Variants in MAK observed in about 807,000 individuals in gnomAD.
MAK encodes the protein male germ cell associated kinase.
Under a neutral mutation model 82.6 loss-of-function variants are expected in MAK, and 65 were observed. The ratio of observed to expected loss-of-function variants is 0.79; its 90% CI spans 0.64 to 0.97. The LOEUF (loss-of-function observed/expected upper bound fraction) is 0.97, where lower values mean the gene tolerates loss of function less well. Among genes scored for constraint, MAK ranks in the 50% least tolerant of loss-of-function variants. The pLI is 0.00. For missense variants in MAK, 703 were observed against 780.2 expected, an observed-to-expected ratio of 0.90 and a Z score of 1.18; for synonymous variants, 250 against 274.2, an observed-to-expected ratio of 0.91 and a Z score of 0.87.
At chr6:10,819,504 C>T (rs748202624) in intron 2 of MAK, among the ~76,000 whole-genome samples, 2 of 152,044 alleles carry the variant, frequency 1.3e-5, no homozygotes, top group East Asian at 1.9e-4. Flanking sequence ...TGGTGGCAGG[C>T]GCCTGTAGTC....
chr6:10,806,995 ATC>A (rs1423035878), intron 6 of MAK, among the ~76,000 whole-genome samples: 1 of 152,044 alleles, frequency 6.6e-6, no homozygotes, highest in East Asian at 1.9e-4. Context: ...CAGCCCCCAC[ATC>A]TGATTCATTA....
intron 14 of MAK, among the ~76,000 whole-genome samples, chr6:10,767,287 A>G (rs1772538278): frequency 6.6e-6 from 1 of 152,206 alleles, no homozygotes; most frequent in South Asian, 2.1e-4. Context: ...TGAGATGCGG[A>G]TCATAATAGT....
chr6:10,831,713 TCCATC>T (rs1778820621), intron 1 of MAK, among the ~76,000 whole-genome samples: 1 of 151,690 alleles, frequency 6.6e-6, no homozygotes, highest in Non-Finnish European at 1.5e-5. Flanking sequence ...ACCACTAAAC[TCCATC>T]CTGGGTGACA....
chr6:10,796,376 T>C (rs1775564439), intron 8 of MAK, 67 bp from the exon 9 acceptor site: 1 of 1,335,354 alleles, frequency 7.5e-7, no homozygotes, highest in Non-Finnish European at 1.1e-6. Context: ...ACATAAACTA[T>C]GGTTGGCCCT....
At chr6:10,813,108 A>T (rs1561986984) in intron 5 of MAK, among the ~76,000 whole-genome samples, 30 of 598 alleles carry the variant, frequency 0.05, 3 homozygotes, top group East Asian at 0.14. Context: ...ATATATATAT[A>T]TATATATATA....
Position 10,773,121 on chromosome 6 carries a change from C to A in MAK, c.1598-13G>T, listed in dbSNP as rs769678501. The stretch of plus-strand genomic sequence containing the variant: ...ATTATGCTTTCTTCTAAAGAGAAGA[C>A]AGATGGAAAGAAAGAATAATAGTAA... On this transcript the variant is annotated splice_polypyrimidine_tract_variant and intron_variant, in intron 12 of 14. Coordinates refer to ENST00000354489, the MANE Select transcript of MAK (RefSeq NM_001242957.3). The A allele has an allele frequency of 1.2e-5, 16 of 1,379,590 alleles. No individual in the cohort carries two copies. The highest frequency in any genetic ancestry group is 1.4e-5 in the Non-Finnish European group (14 of 1,013,308). 85.5% of individuals were successfully genotyped at this position (1,379,590 alleles called of 1,614,324 possible).
At chr6:10,789,162 G>GAAA (rs58231573) in intron 10 of MAK, among the ~76,000 whole-genome samples, 2 of 80,028 alleles carry the variant, frequency 2.5e-5, no homozygotes, top group African/African-American at 8.6e-5. Context: ...AAGCAAAAAA[G>GAAA]AAAAAAAAAA....
At position 10,827,403 on chromosome 6, in the gene MAK, C is replaced by T. The variant is rs564889855; in HGVS notation, c.101+3145G>A. ...GTGTGAATTTACATAATCATTTAAT[C>T]TACAAATGTGGGCTATTTCAGCTCA... On this transcript the variant is annotated intron_variant, in intron 2 of 14. Transcript: ENST00000354489. Among the ~76,000 whole-genome samples the T allele has an allele frequency of 2.1e-4, 32 of 152,240 alleles. No homozygotes were observed. In the South Asian group the frequency reaches 5.6e-3, roughly 27 times the overall value.
Position 10,808,897 on chromosome 6 carries a change from CCCATA to C in MAK, c.399_403del (p.Cys133TrpfsTer9). 6.2e-7 allele frequency: 1 copy of C among 1,613,586 alleles called. No homozygotes were observed. The highest frequency in any genetic ancestry group is 8.5e-7 in the Non-Finnish European group (1 of 1,179,750). On this transcript the variant is annotated frameshift_variant, in exon 6 of 15. Transcript: ENST00000354489. LOFTEE classifies it high-confidence loss of function. ...ATCAGCAATTTTCACAAGCTCTGGA[CCCATA>C]CAAAGCAAGTTTTCTGGTTTCATGT... is the stretch of plus-strand genomic sequence containing the variant.
chr6:10,772,963 C>T (rs748945205), intron 13 of MAK, 71 bp downstream of exon 13: 5 of 1,034,196 alleles, frequency 4.8e-6, no homozygotes, highest in Non-Finnish European at 7.2e-6. Context: ...GGATTAGGGG[C>T]AAATGTTGAG....
Position 10,775,348 on chromosome 6 carries a change from G to A in MAK, c.1577C>T (p.Ala526Val). 6.2e-7 allele frequency: 1 copy of A among 1,613,748 alleles called. No individual in the cohort carries two copies. Among genetic ancestry groups the A allele is most frequent in the Non-Finnish European group, 8.5e-7 (1 of 1,179,760 alleles). Residue 526 changes from alanine (A) to valine (V), a missense_variant, in exon 12 of 15, where the codon GCT (alanine) becomes GTT (valine). Ala to Val is a moderately conservative substitution (Grantham distance 64). Coordinates refer to ENST00000354489, the MANE Select transcript of MAK (RefSeq NM_001242957.3). ...KSLGPVGAEL[A>V]FKRSNAEESI... ...GTTACCTGCATTGCTCCTTTTGAAA[G>A]CAAGTTCTGCCCCAACGGGTCCCAG...
intron 11 of MAK, among the ~76,000 whole-genome samples, chr6:10,781,133 T>A (rs971281620): frequency 6.6e-6 from 1 of 152,144 alleles, no homozygotes; most frequent in Non-Finnish European, 1.5e-5. Flanking sequence ...AAATGCTTCA[T>A]TCCATTTCTA....
intron 2 of MAK, among the ~76,000 whole-genome samples, chr6:10,820,803 G>T (rs1264080676): frequency 6.6e-6 from 1 of 152,070 alleles, no homozygotes; most frequent in Admixed American, 6.6e-5. Context: ...AAAATGTCTT[G>T]CTAAAATGTA....
In MAK at chr6:10,775,440, C is replaced by T. The variant is rs748079104; in HGVS notation, c.1485G>A (p.Val495=). The change falls in exon 12 of 15, where the codon GTG becomes GTA. Residue 495 remains valine (V), a synonymous_variant. Coordinates refer to ENST00000354489, the MANE Select transcript of MAK (RefSeq NM_001242957.3). The part of the protein sequence containing the change: ...RYLPGVNPKK[V]SLIASGKEIN... The stretch of plus-strand genomic sequence containing the variant: ...TTTCCTTTCCACTGGCTATCAAGGA[C>T]ACCTTCTTGGGATTCACACCTGAGA... The T allele has an allele frequency of 1.2e-6, 2 of 1,613,492 alleles. No individual in the cohort carries two copies. The highest frequency in any genetic ancestry group is 2.2e-5 in the East Asian group (1 of 44,854).
chr6:10,829,547 CAGAGTG>C (rs2127589346), intron 2 of MAK, among the ~76,000 whole-genome samples: 1 of 152,234 alleles, frequency 6.6e-6, no homozygotes, highest in East Asian at 1.9e-4. Context: ...GCCTGGGCAA[CAGAGTG>C]AGACCCCCAT....
chr6:10,774,624 C>CA (rs1773313241), intron 12 of MAK, among the ~76,000 whole-genome samples: 1 of 152,144 alleles, frequency 6.6e-6, no homozygotes, highest in African/African-American at 2.4e-5. Context: ...ATTAAAAAAA[C>CA]TTTTTAAATT....
intron 6 of MAK, among the ~76,000 whole-genome samples, chr6:10,807,992 C>T (rs1429386598): frequency 4.6e-5 from 7 of 151,834 alleles, no homozygotes; most frequent in Non-Finnish European, 8.8e-5. Context: ...CACTTGAAAC[C>T]GGGAGGCAGA....
chr6:10,790,865 TA>T (rs978903469), intron 10 of MAK, among the ~76,000 whole-genome samples: 3 of 152,220 alleles, frequency 2.0e-5, no homozygotes, highest in Non-Finnish European at 4.4e-5. Flanking sequence ...GGCTTGGTAC[TA>T]TCCTTGCGGT....
chr6:10,821,307 G>A (rs893131936), intron 2 of MAK, among the ~76,000 whole-genome samples: 7 of 150,340 alleles, frequency 4.7e-5, no homozygotes, highest in African/African-American at 1.5e-4. Flanking sequence ...ATGGAGCCTC[G>A]CTCTGTCACC....
Sources: allele counts gnomAD v4.1 joint callset (sites outside exome capture counted in the v4.1 genomes callset), GRCh38; gene constraint gnomAD v4.1.1; transcripts MANE v1.5; gene names NCBI Gene and HGNC (gene_info 2026-07-23, HGNC 2026-07-21).